Variants in RAD52 observed in about 807,000 individuals in gnomAD.
RAD52 encodes the protein RAD52 DNA repair protein.
A neutral mutation model predicts 55.5 loss-of-function variants in RAD52; 47 were observed. The observed-to-expected ratio is 0.85, with a 90% CI of 0.67 to 1.08. RAD52 has a LOEUF of 1.08. Ranked by LOEUF, RAD52 falls within the 50% of genes least tolerant of loss-of-function variation. RAD52 has a pLI of 0.00. For missense variants in RAD52, 468 were observed against 522.8 expected, an observed-to-expected ratio of 0.90 and a Z score of 1.02; for synonymous variants, 184 against 198.9, an observed-to-expected ratio of 0.92 and a Z score of 0.63.
intron 1 of RAD52, among the ~76,000 whole-genome samples, chr12:981,220 C>T (rs1432702706): frequency 1.1e-4 from 16 of 151,856 alleles, no homozygotes; most frequent in Non-Finnish European, 2.2e-4. Context: ...GTAGTCCCAG[C>T]TACTTGGGAA....
intron 1 of RAD52, among the ~76,000 whole-genome samples, chr12:955,599 G>A (rs1430037344): frequency 6.8e-6 from 1 of 146,426 alleles, no homozygotes; most frequent in Non-Finnish European, 1.5e-5. Context: ...TCAGCCTCCC[G>A]AGTAACTGGG....
In RAD52 at chr12:932,811, G is replaced by GCCCC. The variant is rs1400619890; in HGVS notation, c.84+163_84+164insGGGG. On this transcript the variant is annotated intron_variant, in intron 2 of 11. Coordinates refer to ENST00000358495, the MANE Select transcript of RAD52 (RefSeq NM_134424.4). The stretch of plus-strand genomic sequence containing the variant: ...GCACCGCGTCAACGTACTAGGTACT[G>GCCCC]CTCACACACGTACTAGGTAAACGTA... Among the ~76,000 whole-genome samples, 221 of 27,300 alleles carry GCCCC rather than the reference G, an allele frequency of 8.1e-3. 2 individuals carry two copies. Among genetic ancestry groups the GCCCC allele is most frequent in the Non-Finnish European group, 0.011 (69 of 6,038 alleles). The allele number at this position is 27,300 out of a possible 152,430, so 17.9% of individuals were successfully genotyped here.
At position 912,734 on chromosome 12, in the gene RAD52, A is replaced by AAAAAC. The variant is rs1956159296; in HGVS notation, c.*656_*657insGTTTT. The stretch of plus-strand genomic sequence containing the variant: ...CCAGACCCCGTCTCAAAAAAAAAAA[A>AAAAAC]AAAAAAAAAAACAAAAAACAGCCTT... On this transcript the variant is annotated 3_prime_UTR_variant, in exon 12 of 12. Coordinates refer to ENST00000358495, the MANE Select transcript of RAD52 (RefSeq NM_134424.4). 2.1e-5 allele frequency: 3 copies of AAAAAC among 140,032 alleles called. No individual in the cohort carries two copies. The East Asian group carries it at 4.2e-4, about 20-fold the overall frequency. The allele number at this position is 140,032 out of a possible 1,614,324, so 8.7% of individuals were successfully genotyped here. A position where few individuals can be genotyped will look rare whatever the true frequency, so the allele number is the denominator to read the frequency against.
At chr12:921,857 T>C (rs1956744681) in intron 7 of RAD52, among the ~76,000 whole-genome samples, 1 of 151,542 alleles carries the variant, frequency 6.6e-6, no homozygotes. Context: ...TGTAATCCCA[T>C]CACTTTGGGA....
At position 945,832 on chromosome 12, in the gene RAD52, G is replaced by A. The variant is rs541214456; in HGVS notation, c.-19+3770C>T. Among the ~76,000 whole-genome samples the A allele has an allele frequency of 1.1e-4, 17 of 151,522 alleles. No individual in the cohort carries two copies. The South Asian group carries it at 3.1e-3, about 28-fold the overall frequency. The stretch of plus-strand genomic sequence containing the variant: ...GAGGTCAGGAGTTCGAGACCAGCCC[G>A]GCCAACATGGTGAAACTCCGTCTCT... On this transcript the variant is annotated intron_variant, in intron 1 of 11. Coordinates refer to ENST00000358495, the MANE Select transcript of RAD52 (RefSeq NM_134424.4).
At chr12:924,514 G>C (rs577059303) in intron 7 of RAD52, among the ~76,000 whole-genome samples, 1 of 152,228 alleles carries the variant, frequency 6.6e-6, no homozygotes, top group African/African-American at 2.4e-5. Flanking sequence ...ACACCTTGTG[G>C]GGCTCCATGA....
At chr12:913,564 A>G in intron 11 of RAD52, 112 bp from the exon 12 acceptor site, 1 of 917,254 alleles carries the variant, frequency 1.1e-6, no homozygotes, top group South Asian at 1.5e-5. Context: ...CCCAAGAATG[A>G]GAATTACTGT....
In RAD52 at chr12:916,346, TCA is replaced by T. The variant is rs767488555; in HGVS notation, c.861_862del (p.Ser287ArgfsTer39). 1 of 1,605,356 alleles carries T rather than the reference TCA, an allele frequency of 6.2e-7. No individual in the cohort carries two copies. The highest frequency in any genetic ancestry group is 8.5e-7 in the Non-Finnish European group (1 of 1,179,920). ...CCCTGCTCCCACCCCTCGCTCACCC[TCA>T]CTCTTCTCAGCTGACGGCGTGGAGA... On this transcript the variant is annotated frameshift_variant, in exon 9 of 12. Transcript: ENST00000358495. LOFTEE classifies it high-confidence loss of function.
At chr12:958,890 A>G (rs1338364511) in intron 1 of RAD52, among the ~76,000 whole-genome samples, 1 of 152,174 alleles carries the variant, frequency 6.6e-6, no homozygotes, top group East Asian at 1.9e-4. Context: ...TAACTCGGCC[A>G]GCTTCCAAAT....
At chr12:958,088 C>T (rs7955986) in intron 1 of RAD52, among the ~76,000 whole-genome samples, 90,234 of 152,046 alleles carry the variant, frequency 0.59, 26,958 homozygotes, top group Middle Eastern at 0.67. Flanking sequence ...TAAGGGGGCT[C>T]CGGGGCTGGG....
intron 1 of RAD52, among the ~76,000 whole-genome samples, chr12:943,408 T>C (rs1456769209): frequency 6.6e-6 from 1 of 152,190 alleles, no homozygotes; most frequent in Non-Finnish European, 1.5e-5. Flanking sequence ...AGTGGCACAA[T>C]CTCGGCTCAC....
chr12:943,417 A>G (rs943803938), intron 1 of RAD52, among the ~76,000 whole-genome samples: 4 of 152,216 alleles, frequency 2.6e-5, no homozygotes, highest in South Asian at 4.1e-4. Context: ...ATCTCGGCTC[A>G]CTGCAACCTC....
At chr12:963,037 C>T (rs1213503551) in intron 1 of RAD52, among the ~76,000 whole-genome samples, 3 of 152,130 alleles carry the variant, frequency 2.0e-5, no homozygotes, top group Non-Finnish European at 4.4e-5. Context: ...CAGGTATGAG[C>T]CACTGTGCCT....
intron 1 of RAD52, among the ~76,000 whole-genome samples, chr12:983,393 G>T (rs1170546001): frequency 2.0e-5 from 3 of 148,198 alleles, no homozygotes; most frequent in Non-Finnish European, 4.4e-5. Context: ...GTGTCAGCAG[G>T]TTGTTTTTTC....
intron 1 of RAD52, among the ~76,000 whole-genome samples, chr12:937,646 G>A (rs1204998749): frequency 6.6e-6 from 1 of 152,018 alleles, no homozygotes; most frequent in African/African-American, 2.4e-5. Flanking sequence ...GGCTGCTCTC[G>A]AACTTCTGAC....
chr12:912,018 C>CG lies in RAD52; in HGVS notation c.*1372_*1373insC, dbSNP rs931887343. On this transcript the variant is annotated 3_prime_UTR_variant, in exon 12 of 12. Transcript: ENST00000358495. ...CAGCCTGCGCTACAGAGCCAGACCC[C>CG]CCCTCTCAAAAAAAAAGTTGTTAAA... The CG allele has an allele frequency of 1.0e-5, 2 of 199,062 alleles. No individual in the cohort carries two copies. The highest frequency in any genetic ancestry group is 1.5e-4 in the East Asian group (2 of 12,988). 12.3% of individuals were successfully genotyped at this position (199,062 alleles called of 1,614,324 possible).
At chr12:980,426 T>A (rs1037430290) in intron 1 of RAD52, among the ~76,000 whole-genome samples, 2 of 151,284 alleles carry the variant, frequency 1.3e-5, no homozygotes, top group African/African-American at 4.9e-5. Flanking sequence ...CCCGAGTAGC[T>A]GGGATTACAG....
At chr12:990,171 G>T (rs1959168285), upstream of RAD52, 1 of 152,120 alleles carries the variant, frequency 6.6e-6, no homozygotes, top group African/African-American at 2.4e-5. Context: ...GGTTAATTAC[G>T]GTGGCGGAGG....
chr12:963,451 A>T (rs1354255517), intron 1 of RAD52, among the ~76,000 whole-genome samples: 3 of 152,216 alleles, frequency 2.0e-5, no homozygotes, highest in Non-Finnish European at 4.4e-5. Flanking sequence ...CAAGTAAACA[A>T]ATTTAGAGTG....
Sources: allele counts gnomAD v4.1 joint callset (sites outside exome capture counted in the v4.1 genomes callset), GRCh38; gene constraint gnomAD v4.1.1; transcripts MANE v1.5; gene names NCBI Gene and HGNC (gene_info 2026-07-23, HGNC 2026-07-21).